CIMAP1D: variants seen among roughly 807,000 people sequenced by gnomAD.
The protein encoded by CIMAP1D is CIMAP1 family member D.
At chr19:464,140 C>CGGGGGTGGGG in the CIMAP1D span, 1 of 784,710 alleles carries the variant, frequency 1.3e-6, no homozygotes, top group South Asian at 4.3e-5. Flanking sequence ...GGGGGGCGGG[C>CGGGGGTGGGG]GGGGGGGGTG....
the CIMAP1D span, chr19:474,752 G>T: frequency 6.6e-7 from 1 of 1,512,178 alleles, no homozygotes; most frequent in Non-Finnish European, 8.9e-7. Context: ...CCCCATGGTG[G>T]GCAGGCGATG....
the CIMAP1D span, chr19:467,661 C>T: frequency 3.7e-6 from 6 of 1,611,280 alleles, no homozygotes; most frequent in Non-Finnish European, 5.1e-6. Context: ...CGAGACTTGG[C>T]CCGGCCCTGC....
chr19:484,136 T>C, the CIMAP1D span, among the ~76,000 whole-genome samples: 2 of 142,454 alleles, frequency 1.4e-5, no homozygotes, highest in African/African-American at 2.7e-5. Flanking sequence ...TTCTTTTCTT[T>C]TTCTTTTTTT....
chr19:490,685 C>G, the CIMAP1D span, among the ~76,000 whole-genome samples: 2 of 152,224 alleles, frequency 1.3e-5, no homozygotes, highest in Admixed American at 1.3e-4. Context: ...GGCTTCAGGG[C>G]CAGGCGCGGT....
chr19:463,474 G>A, the CIMAP1D span: 4 of 326,044 alleles, frequency 1.2e-5, no homozygotes, highest in African/African-American at 8.8e-5. Flanking sequence ...GCTAACCCAA[G>A]CTGTGATGGG....
the CIMAP1D span, chr19:489,112 GCGGGAGCTGC>G: frequency 6.6e-6 from 1 of 152,022 alleles, no homozygotes; most frequent in Non-Finnish European, 1.5e-5. Flanking sequence ...CGGGGGCCGC[GCGGGAGCTGC>G]CGGGAGCTGT....
the CIMAP1D span, among the ~76,000 whole-genome samples, chr19:480,503 A>AGAAGGATGATGGAGAAGGATGATGGG: frequency 2.0e-5 from 2 of 101,206 alleles, no homozygotes; most frequent in Non-Finnish European, 1.7e-5. Context: ...AGGATGATGG[A>AGAAGGATGATGGAGAAGGATGATGGG]GAAGGATGAT....
At chr19:469,794 C>T in the CIMAP1D span, among the ~76,000 whole-genome samples, 1 of 152,188 alleles carries the variant, frequency 6.6e-6, no homozygotes, top group Non-Finnish European at 1.5e-5. Flanking sequence ...CCTCAAAGTG[C>T]TCACTGTGCA....
At chr19:472,568 G>A in the CIMAP1D span, 3 of 1,188,138 alleles carry the variant, frequency 2.5e-6, no homozygotes, top group East Asian at 2.9e-5. Context: ...CCTGGACCCA[G>A]CTCCTGAGCC....
the CIMAP1D span, among the ~76,000 whole-genome samples, chr19:484,080 T>C: frequency 6.6e-6 from 1 of 152,118 alleles, no homozygotes; most frequent in Admixed American, 6.6e-5. Flanking sequence ...CAACCGCAAA[T>C]AATGCTGTGA....
At chr19:463,489 C>T in the CIMAP1D span, 2 of 346,862 alleles carry the variant, frequency 5.8e-6, no homozygotes, top group Non-Finnish European at 1.1e-5. Context: ...GATGGGGATC[C>T]AGGCCCTAGT....
At chr19:491,546 T>G in the CIMAP1D span, among the ~76,000 whole-genome samples, 2 of 151,922 alleles carry the variant, frequency 1.3e-5, no homozygotes, top group African/African-American at 4.8e-5. Context: ...GGGGTGAGCC[T>G]GGAGATGCCC....
At chr19:488,280 C>A in the CIMAP1D span, among the ~76,000 whole-genome samples, 1 of 152,088 alleles carries the variant, frequency 6.6e-6, no homozygotes, top group Non-Finnish European at 1.5e-5. Context: ...CCCAGCTCCT[C>A]GGGAGGCTGA....
chr19:482,604 G>A, the CIMAP1D span, among the ~76,000 whole-genome samples: 6 of 152,274 alleles, frequency 3.9e-5, no homozygotes, highest in African/African-American at 1.2e-4. Context: ...AGATCGGCAG[G>A]GCGTCCTTGG....
chr19:484,376 G>A, the CIMAP1D span, among the ~76,000 whole-genome samples: 3 of 151,972 alleles, frequency 2.0e-5, no homozygotes, highest in African/African-American at 2.4e-5. Context: ...CCTGACCTCA[G>A]GTGATCCGCC....
At chr19:485,426 T>C in the CIMAP1D span, among the ~76,000 whole-genome samples, 1 of 152,338 alleles carries the variant, frequency 6.6e-6, no homozygotes, top group East Asian at 1.9e-4. Context: ...AGCTCTACAA[T>C]AGTCCAGATG....
chr19:481,211 AGAAGGATGATGGGGAAGGATGATGG>A, the CIMAP1D span, among the ~76,000 whole-genome samples: 44 of 83,708 alleles, frequency 5.3e-4, 2 homozygotes, highest in African/African-American at 3.2e-3. Context: ...AAGGATGATG[AGAAGGATGATGGGGAAGGATGATGG>A]GAAGGATGAT....
chr19:478,173 A>T, the CIMAP1D span, among the ~76,000 whole-genome samples: 2 of 152,140 alleles, frequency 1.3e-5, no homozygotes. Flanking sequence ...ACCTCCCTCG[A>T]CCAAAGCTGC....
the CIMAP1D span, among the ~76,000 whole-genome samples, chr19:470,649 T>C: frequency 6.6e-6 from 1 of 152,190 alleles, no homozygotes; most frequent in Non-Finnish European, 1.5e-5. Flanking sequence ...AACAGGCTGC[T>C]GTCCTGCCCC....
Sources: allele counts gnomAD v4.1 joint callset (sites outside exome capture counted in the v4.1 genomes callset), GRCh38; gene constraint gnomAD v4.1.1; transcripts MANE v1.5; gene names NCBI Gene and HGNC (gene_info 2026-07-23, HGNC 2026-07-21).